The following OR6A2 variants were observed in gnomAD, a reference collection of about 807,000 sequenced individuals.
The protein encoded by OR6A2 is olfactory receptor family 6 subfamily A member 2.
OR6A2 carries 6 observed loss-of-function variants against 7.1 expected under a neutral mutation model. The observed-to-expected ratio is 0.85, with a 90% CI of 0.46 to 1.68. OR6A2 has a LOEUF of 1.68. Ranked by LOEUF, OR6A2 falls within the 40% of genes most tolerant of loss-of-function variation. The pLI is 0.01. For missense variants in OR6A2, 431 were observed against 398.0 expected, an observed-to-expected ratio of 1.08 and a Z score of -0.71; for synonymous variants, 162 against 152.1, an observed-to-expected ratio of 1.06 and a Z score of -0.48.
At position 6,792,495 on chromosome 11, in the gene OR6A2, G is replaced by A. The variant is rs932661290; in HGVS notation, c.*2230C>T. 2 of 152,170 alleles carry A rather than the reference G, an allele frequency of 1.3e-5. No homozygotes were observed. The highest frequency in any genetic ancestry group is 3.8e-4 in the East Asian group (2 of 5,198). The allele number at this position is 152,170 out of a possible 1,614,324, so 9.4% of individuals were successfully genotyped here. A position where few individuals can be genotyped will look rare whatever the true frequency, so the allele number is the denominator to read the frequency against. On this transcript the variant is annotated 3_prime_UTR_variant, in exon 2 of 2. Coordinates refer to ENST00000641196, the MANE Select transcript of OR6A2 (RefSeq NM_003696.3). ...CTGGCCACTCTGAATAACCCGGGTA[G>A]ATCCAGTACTCCCACCTCTTGTACT...
rs1847737590 is a variant in OR6A2, at chr11:6,795,460, A to T, written c.249T>A (p.Leu83=). Residue 83 remains leucine, a synonymous_variant, in exon 2 of 2, where the codon CTT becomes CTA. Coordinates refer to ENST00000641196, the MANE Select transcript of OR6A2 (RefSeq NM_003696.3). ...CCTGTTTGGATCCAACAAAGCCAGC[A>T]AGCATCTTGGGAATAGTGACAGTGA... ...WYVTVTIPKM[L]AGFVGSKQDH... 1 of 1,614,154 alleles carries T rather than the reference A, an allele frequency of 6.2e-7. No individual in the cohort carries two copies. Among genetic ancestry groups the T allele is most frequent in the African/African-American group, 1.3e-5 (1 of 75,044 alleles).
Position 6,792,541 on chromosome 11 carries a change from T to C in OR6A2, c.*2184A>G. On this transcript the variant is annotated 3_prime_UTR_variant, in exon 2 of 2. Transcript: ENST00000641196. ...GTACTGATGCAAGAGACTAGAAGCT[T>C]CTCCAGATACTGTATTAGCAAAGGG... The C allele has an allele frequency of 6.6e-6, 1 of 152,114 alleles. No individual in the cohort carries two copies. The highest frequency in any genetic ancestry group is 1.9e-4 in the East Asian group (1 of 5,194). 9.4% of individuals were successfully genotyped at this position (152,114 alleles called of 1,614,324 possible).
chr11:6,797,407 G>C (rs12279740), intron 1 of OR6A2, among the ~76,000 whole-genome samples: 7 of 152,134 alleles, frequency 4.6e-5, no homozygotes, highest in Non-Finnish European at 7.4e-5. Flanking sequence ...ACATAGATAA[G>C]TGGGAACATC....
rs200481574 is a variant in OR6A2, at chr11:6,794,679, T to C, written c.*46A>G. 78 of 1,585,722 alleles carry C rather than the reference T, an allele frequency of 4.9e-5. No homozygotes were observed. Among genetic ancestry groups the C allele is most frequent in the Middle Eastern group, 3.4e-4 (2 of 5,920 alleles). On this transcript the variant is annotated 3_prime_UTR_variant, in exon 2 of 2. Coordinates refer to ENST00000641196, the MANE Select transcript of OR6A2 (RefSeq NM_003696.3). ...ACTCCACTGGACTTCATAGAACACA[T>C]TGATCCCAAGTTTAATAGCATTTTA...
rs751010907 is a variant in OR6A2, at chr11:6,792,101, G to GT, written c.*2623dup. On this transcript the variant is annotated 3_prime_UTR_variant, in exon 2 of 2. Transcript: ENST00000641196. ...TCTTTACTTGTTCATAACTGTAAGGGTTTTTTAATGAAGGGAAATAGGGTT... is the reference window on the plus strand; with the variant it reads ...TCTTTACTTGTTCATAACTGTAAGGGTTTTTTTAATGAAGGGAAATAGGGTT... 6.6e-6 allele frequency: 1 copy of GT among 152,136 alleles called. No homozygotes were observed. Among genetic ancestry groups the GT allele is most frequent in the Non-Finnish European group, 1.5e-5 (1 of 68,018 alleles). The allele number at this position is 152,136 out of a possible 1,614,324, so 9.4% of individuals were successfully genotyped here.
Position 6,795,004 on chromosome 11 carries a change from C to T in OR6A2, c.705G>A (p.Ser235=), listed in dbSNP as rs137995403. ...AITGAVMHIP[S]AAGRYKAFST... is the part of the protein sequence containing the mutation. The stretch of plus-strand genomic sequence containing the variant: ...AAAAGGCCTTATAGCGTCCAGCAGC[C>T]GAAGGAATGTGCATCACAGCACCAG... The change falls in exon 2 of 2, where the codon TCG becomes TCA. Residue 235 remains serine, a synonymous_variant. Transcript: ENST00000641196. The T allele has an allele frequency of 2.1e-4, 331 of 1,614,016 alleles. No homozygotes were observed. Among genetic ancestry groups the T allele is most frequent in the Admixed American group, 7.7e-4 (46 of 59,980 alleles).
chr11:6,794,638 A>G lies in OR6A2; in HGVS notation c.*87T>C. On this transcript the variant is annotated 3_prime_UTR_variant, in exon 2 of 2. Transcript: ENST00000641196. Reference sequence around the variant, plus strand: ...TGATGCCTTTGAAACTCTGGCCCCCAATTTAGGCCCTAAGAACTCCACTGG... The same window carrying G: ...TGATGCCTTTGAAACTCTGGCCCCCGATTTAGGCCCTAAGAACTCCACTGG... 2.0e-6 allele frequency: 3 copies of G among 1,516,508 alleles called. No individual in the cohort carries two copies. In the South Asian group the frequency reaches 3.9e-5, roughly 20 times the overall value. The allele number at this position is 1,516,508 out of a possible 1,614,324, so 93.9% of individuals were successfully genotyped here.
rs775047868 is a variant in OR6A2 at position 6,794,936 on chromosome 11, G to T, written c.773C>A (p.Ala258Glu). Residue 258 changes from alanine to glutamate, a missense_variant, in exon 2 of 2, where the codon GCA becomes GAA. Physicochemically the swap from Ala to Glu is moderately radical, Grantham distance 107 (BLOSUM62 -1). Coordinates refer to ENST00000641196, the MANE Select transcript of OR6A2 (RefSeq NM_003696.3). ...CCGAGCATAGATGAAGATACTGGCT[G>T]CATAGAAGATTATCACAACAGTGAG... ...SHLTVVIIFY[A>E]ASIFIYARPK... is the part of the protein sequence containing the mutation. The T allele has an allele frequency of 6.2e-7, 1 of 1,614,140 alleles. No homozygotes were observed. The highest frequency in any genetic ancestry group is 1.1e-5 in the South Asian group (1 of 91,086).
intron 1 of OR6A2, among the ~76,000 whole-genome samples, chr11:6,798,908 G>A (rs1847772045): frequency 6.6e-6 from 1 of 152,140 alleles, no homozygotes; most frequent in African/African-American, 2.4e-5. Context: ...ATTATTAAAG[G>A]TTTATAATGT....
rs1847699185 is a variant in OR6A2, at chr11:6,792,479, CTG to C, written c.*2244_*2245del. 2 of 152,170 alleles carry C rather than the reference CTG, an allele frequency of 1.3e-5. No individual in the cohort carries two copies. The highest frequency in any genetic ancestry group is 4.8e-5 in the African/African-American group (2 of 41,446). 9.4% of individuals were successfully genotyped at this position (152,170 alleles called of 1,614,324 possible). ...TAGTTGTTAGTTGCCTCTGGCCACT[CTG>C]AATAACCCGGGTAGATCCAGTACTC... On this transcript the variant is annotated 3_prime_UTR_variant, in exon 2 of 2. Coordinates refer to ENST00000641196, the MANE Select transcript of OR6A2 (RefSeq NM_003696.3).
chr11:6,792,840 G>T lies in OR6A2; in HGVS notation c.*1885C>A, dbSNP rs557221646. 1.9e-4 allele frequency: 29 copies of T among 152,268 alleles called. No individual in the cohort carries two copies. Among genetic ancestry groups the T allele is most frequent in the African/African-American group, 7.0e-4 (29 of 41,564 alleles). The allele number at this position is 152,268 out of a possible 1,614,324, so 9.4% of individuals were successfully genotyped here. A position where few individuals can be genotyped will look rare whatever the true frequency, so the allele number is the denominator to read the frequency against. ...ACTAAAAATTCAGTCCCCGTCTGGA[G>T]AGGTGTCAATCTCACCATAGTACAT... On this transcript the variant is annotated 3_prime_UTR_variant, in exon 2 of 2. Transcript: ENST00000641196.
Position 6,795,699 on chromosome 11 carries a change from G to A in OR6A2, c.10C>T (p.Arg4Trp), listed in dbSNP as rs530920589. 35 of 1,613,578 alleles carry A rather than the reference G, an allele frequency of 2.2e-5. No individual in the cohort carries two copies. In the African/African-American group the frequency reaches 3.2e-4, roughly 15 times the overall value. Residue 4 changes from arginine to tryptophan, a missense_variant, in exon 2 of 2, where the codon CGG (arginine) becomes TGG (tryptophan). Arg to Trp is a moderately radical substitution (Grantham distance 101). Transcript: ENST00000641196. MEW[R>W]NHSGRVSEFV... ...TCACTCACTCTCCCACTATGGTTCCGCCACTCCATGTCATTGGTCTCTCTT... is the reference window on the plus strand; with the variant it reads ...TCACTCACTCTCCCACTATGGTTCCACCACTCCATGTCATTGGTCTCTCTT...
intron 1 of OR6A2, among the ~76,000 whole-genome samples, chr11:6,798,516 A>G (rs1310247442): frequency 6.6e-6 from 1 of 152,126 alleles, no homozygotes; most frequent in South Asian, 2.1e-4. Flanking sequence ...CTGTACCCTC[A>G]TCAATATAAC....
Position 6,795,250 on chromosome 11 carries a change from A to G in OR6A2, c.459T>C (p.Ser153=). The stretch of plus-strand genomic sequence containing the variant: ...TGGAGATGCCAAAACCTCCAGCCCA[A>G]GAGCCAGCAGCCATCTGCACACACA... ...GRLCVQMAAG[S]WAGGFGISMV... is the part of the protein sequence containing the mutation. The change falls in exon 2 of 2, where the codon TCT becomes TCC. Residue 153 remains serine, a synonymous_variant. Coordinates refer to ENST00000641196, the MANE Select transcript of OR6A2 (RefSeq NM_003696.3). 1.2e-6 allele frequency: 2 copies of G among 1,614,104 alleles called. No individual in the cohort carries two copies. The highest frequency in any genetic ancestry group is 2.2e-5 in the East Asian group (1 of 44,880).
intron 1 of OR6A2, 27 bp from the exon 2 acceptor site, chr11:6,795,911 T>TG: frequency 1.2e-5 from 3 of 252,762 alleles, no homozygotes; most frequent in Non-Finnish European, 2.1e-5. Flanking sequence ...AAAATAAATG[T>TG]TTTTTTTTTT....
rs765062033 is a variant in OR6A2, at chr11:6,794,436, G to A, written c.*289C>T. On this transcript the variant is annotated 3_prime_UTR_variant, in exon 2 of 2. Coordinates refer to ENST00000641196, the MANE Select transcript of OR6A2 (RefSeq NM_003696.3). The stretch of plus-strand genomic sequence containing the variant: ...TCTTGTGTTGCTTTTCCGTAATGAA[G>A]CCTGTGCTTCCTTGATTGGAACCTT... 175 of 368,142 alleles carry A rather than the reference G, an allele frequency of 4.8e-4. No individual in the cohort carries two copies. The highest frequency in any genetic ancestry group is 7.5e-4 in the Non-Finnish European group (153 of 204,368). The allele number at this position is 368,142 out of a possible 1,614,324, so 22.8% of individuals were successfully genotyped here.
chr11:6,793,861 AG>A lies in OR6A2; in HGVS notation c.*863del, dbSNP rs1847715692. The A allele has an allele frequency of 6.6e-6, 1 of 152,162 alleles. No homozygotes were observed. The highest frequency in any genetic ancestry group is 2.4e-5 in the African/African-American group (1 of 41,444). 9.4% of individuals were successfully genotyped at this position (152,162 alleles called of 1,614,324 possible). On this transcript the variant is annotated 3_prime_UTR_variant, in exon 2 of 2. Coordinates refer to ENST00000641196, the MANE Select transcript of OR6A2 (RefSeq NM_003696.3). ...TCCTTTCCTTGTTTCTGTATTTATA[AG>A]TAAAAGTGTCTATCTGCACAAATCT... is the stretch of plus-strand genomic sequence containing the variant.
chr11:6,797,878 A>C (rs1031941236), intron 1 of OR6A2, among the ~76,000 whole-genome samples: 2 of 152,158 alleles, frequency 1.3e-5, no homozygotes, highest in African/African-American at 4.8e-5. Context: ...CTCATGCTGC[A>C]ATCTCCATGA....
In OR6A2 at chr11:6,795,763, G is replaced by C; in HGVS notation, c.-55C>G. Reference sequence around the variant, plus strand: ...AGATGAGAGTAGAGAGTCTTCAGTAGGCCACAACAAGAACCCAGCCTTTCT... The same window carrying C: ...AGATGAGAGTAGAGAGTCTTCAGTACGCCACAACAAGAACCCAGCCTTTCT... On this transcript the variant is annotated 5_prime_UTR_variant, in exon 2 of 2. Transcript: ENST00000641196. 1 of 1,550,624 alleles carries C rather than the reference G, an allele frequency of 6.4e-7. No individual in the cohort carries two copies. Among genetic ancestry groups the C allele is most frequent in the Non-Finnish European group, 8.8e-7 (1 of 1,132,062 alleles).
Sources: gnomAD v4.1 joint callset for allele counts (sites outside exome capture counted in the v4.1 genomes callset) on GRCh38, gnomAD v4.1.1 for gene constraint, MANE v1.5 for transcripts, NCBI Gene and HGNC (gene_info 2026-07-23, HGNC 2026-07-21) for gene names.